Variants in FYCO1 observed in about 807,000 individuals in gnomAD.
FYCO1 encodes FYVE and coiled-coil domain-containing protein 1.
A neutral mutation model predicts 165.1 loss-of-function variants in FYCO1; 122 were observed. The ratio of observed to expected loss-of-function variants is 0.74; its 90% CI spans 0.64 to 0.86. FYCO1 has a LOEUF of 0.86. Among genes scored for constraint, FYCO1 ranks in the 40% least tolerant of loss-of-function variants. FYCO1 has a pLI of 0.00. For synonymous variants in FYCO1, 648 were observed against 742.5 expected, an observed-to-expected ratio of 0.87 and a Z score of 2.07; for missense variants, 1,702 against 1,810.3, an observed-to-expected ratio of 0.94 and a Z score of 1.09.
At chr3:45,970,237 C>T (rs1440977723) in intron 6 of FYCO1, among the ~76,000 whole-genome samples, 1 of 152,218 alleles carries the variant, frequency 6.6e-6, no homozygotes, top group Admixed American at 6.5e-5. Context: ...TTCCCTCATG[C>T]AGAAAGTTCC....
At chr3:45,978,954 T>C (rs1706905754) in intron 4 of FYCO1, among the ~76,000 whole-genome samples, 1 of 151,696 alleles carries the variant, frequency 6.6e-6, no homozygotes, top group African/African-American at 2.4e-5. Context: ...CCTCCCGGGT[T>C]CACGCCATTC....
intron 14 of FYCO1, chr3:45,945,987 C>G (rs1261593074): frequency 1.3e-5 from 2 of 156,526 alleles, no homozygotes; most frequent in Admixed American, 1.2e-4. Flanking sequence ...CTTTAGCTTT[C>G]ACAATTTATT....
intron 13 of FYCO1, among the ~76,000 whole-genome samples, chr3:45,957,759 AAGG>A (rs1429206008): frequency 1.3e-5 from 2 of 152,370 alleles, no homozygotes; most frequent in South Asian, 4.1e-4. Flanking sequence ...GGCAGAGGCC[AAGG>A]AGGAGTTCAC....
At chr3:45,980,697 T>C (rs927840137) in intron 3 of FYCO1, among the ~76,000 whole-genome samples, 1 of 152,250 alleles carries the variant, frequency 6.6e-6, no homozygotes, top group Non-Finnish European at 1.5e-5. Context: ...GGATGTGACG[T>C]TGCAAAATAA....
At chr3:45,959,130 T>C (rs889098221) in intron 12 of FYCO1, among the ~76,000 whole-genome samples, 11 of 152,248 alleles carry the variant, frequency 7.2e-5, no homozygotes, top group Admixed American at 5.9e-4. Context: ...TGCTAGTCTC[T>C]GGGTATGCCC....
intron 15 of FYCO1, 137 bp downstream of exon 15, chr3:45,936,311 T>C (rs867743335): frequency 3.4e-5 from 23 of 681,454 alleles, no homozygotes; most frequent in Middle Eastern, 3.9e-4. Context: ...AAGCTATGCC[T>C]GAAAAAAAAG....
chr3:45,925,655 A>G (rs891135523), intron 16 of FYCO1, among the ~76,000 whole-genome samples: 4 of 152,182 alleles, frequency 2.6e-5, no homozygotes, highest in African/African-American at 7.2e-5. Context: ...AATTCCCACA[A>G]AGGACTCTGC....
chr3:45,925,767 C>G (rs1186010545), intron 16 of FYCO1, among the ~76,000 whole-genome samples: 1 of 152,116 alleles, frequency 6.6e-6, no homozygotes, highest in East Asian at 1.9e-4. Flanking sequence ...GGGTGCCATT[C>G]TAGCATCTGG....
At chr3:45,985,062 A>G (rs1362862495) in intron 1 of FYCO1, 40 bp from the exon 2 acceptor site, 1 of 761,236 alleles carries the variant, frequency 1.3e-6, no homozygotes, top group Non-Finnish European at 2.4e-6. Flanking sequence ...AAGCAGATAC[A>G]GACACAATTT....
At chr3:45,972,245 C>G (rs1023631931) in intron 6 of FYCO1, among the ~76,000 whole-genome samples, 20 of 152,068 alleles carry the variant, frequency 1.3e-4, no homozygotes, top group African/African-American at 4.8e-4. Context: ...AGCTTGAGCC[C>G]AGGAGTTCAA....
Position 45,959,377 on chromosome 3 carries a change from C to G in FYCO1, c.3587+16G>C, listed in dbSNP as rs758505273. 1.2e-6 allele frequency: 2 copies of G among 1,613,738 alleles called. No individual in the cohort carries two copies. The highest frequency in any genetic ancestry group is 1.7e-6 in the Non-Finnish European group (2 of 1,179,986). On this transcript the variant is annotated intron_variant, in intron 12 of 17. Transcript: ENST00000296137. ...CCACCAGGGTGTTGGTGCCAACCCA[C>G]GAGCTCCCTGCTGACCTGCAGTGGT...
At chr3:45,955,520 T>A in intron 13 of FYCO1, 127 bp from the exon 14 acceptor site, 1 of 1,054,346 alleles carries the variant, frequency 9.5e-7, no homozygotes, top group Non-Finnish European at 1.5e-6. Context: ...ACAATTTAAG[T>A]GGTCACTCAA....
intron 1 of FYCO1, among the ~76,000 whole-genome samples, chr3:45,988,322 C>G (rs748468932): frequency 1.3e-5 from 2 of 152,214 alleles, no homozygotes; most frequent in Non-Finnish European, 2.9e-5. Context: ...ACAAAAGGCA[C>G]AGAATGGGCA....
In FYCO1 at chr3:45,968,556, T is replaced by C. The variant is rs1245489616; in HGVS notation, c.778A>G (p.Asn260Asp). Residue 260 changes from asparagine to aspartate, a missense_variant, in exon 8 of 18, where the codon AAC becomes GAC. Transcript: ENST00000296137. ...CTGACAGCTGCCCTCAGCTCCTGGT[T>C]CTCTCTGTCCAGCTGCTGCATGCGC... is the stretch of plus-strand genomic sequence containing the variant. ...RERMQQLDRE[N>D]QELRAAVSQQ... The C allele has an allele frequency of 6.2e-7, 1 of 1,614,002 alleles. No homozygotes were observed. The highest frequency in any genetic ancestry group is 8.5e-7 in the Non-Finnish European group (1 of 1,180,010).
In FYCO1 at chr3:45,921,807, C is replaced by T. The variant is rs765060929; in HGVS notation, c.4395G>A (p.Thr1465=). ...FVSKKVFYHL[T]VDRPVIYDGS... ...CATCGTAGATCACAGGCCGATCAAC[C>T]GTCAAGTGATAAAATACCTTTTTAG... The change falls in exon 18 of 18, where the codon ACG becomes ACA. Residue 1465 remains threonine (T), a synonymous_variant. Transcript: ENST00000296137. 66 of 1,612,826 alleles carry T rather than the reference C, an allele frequency of 4.1e-5. No homozygotes were observed. Among genetic ancestry groups the T allele is most frequent in the South Asian group, 6.6e-5 (6 of 91,058 alleles).
intron 5 of FYCO1, among the ~76,000 whole-genome samples, chr3:45,973,635 T>C (rs980670940): frequency 1.3e-5 from 2 of 152,180 alleles, no homozygotes; most frequent in Admixed American, 1.3e-4. Context: ...CAGATACCAA[T>C]TTAAAAGCCA....
chr3:45,938,474 T>C (rs1704022139), intron 14 of FYCO1, among the ~76,000 whole-genome samples: 1 of 152,260 alleles, frequency 6.6e-6, no homozygotes. Context: ...TAAGTATTTA[T>C]GAGGCTCTTG....
At chr3:45,947,023 G>T in intron 14 of FYCO1, 1 of 1,614,184 alleles carries the variant, frequency 6.2e-7, no homozygotes. Flanking sequence ...CTCATATGTG[G>T]TTACCATGAC....
At chr3:45,982,535 C>G (rs1047246611) in intron 2 of FYCO1, among the ~76,000 whole-genome samples, 2 of 152,172 alleles carry the variant, frequency 1.3e-5, no homozygotes, top group East Asian at 3.9e-4. Flanking sequence ...GAGGAAAACC[C>G]ACCTTTGACT....
Sources: gnomAD v4.1 joint callset for allele counts (sites outside exome capture counted in the v4.1 genomes callset) on GRCh38, gnomAD v4.1.1 for gene constraint, MANE v1.5 for transcripts, NCBI Gene and HGNC (gene_info 2026-07-23, HGNC 2026-07-21) for gene names.